Variants in XPNPEP1 observed in about 807,000 individuals in gnomAD.
XPNPEP1 encodes the protein X-prolyl aminopeptidase 1.
In XPNPEP1, 39 loss-of-function variants were observed where a neutral mutation model predicts 92.4. That is an observed-to-expected ratio of 0.42 (90% confidence interval 0.33 to 0.55). The LOEUF (loss-of-function observed/expected upper bound fraction) is 0.55, where lower values mean the gene tolerates loss of function less well. XPNPEP1 is among the 20% of genes least tolerant of loss of function. XPNPEP1 has a pLI of 0.08. For synonymous variants in XPNPEP1, 307 were observed against 299.4 expected, an observed-to-expected ratio of 1.03 and a Z score of -0.26; for missense variants, 654 against 856.1, an observed-to-expected ratio of 0.76 and a Z score of 2.95.
intron 12 of XPNPEP1, among the ~76,000 whole-genome samples, chr10:109,879,059 A>T (rs1408738197): frequency 3.4e-5 from 5 of 145,768 alleles, no homozygotes; most frequent in Non-Finnish European, 6.0e-5. Context: ...TGGCTAACAC[A>T]GTGAAACCCC....
At chr10:109,879,654 T>A (rs141778481) in intron 12 of XPNPEP1, among the ~76,000 whole-genome samples, 94 of 152,242 alleles carry the variant, frequency 6.2e-4, no homozygotes, top group African/African-American at 2.2e-3. Context: ...AAAGTTACAC[T>A]AGTGGGAATA....
intron 20 of XPNPEP1, 92 bp from the exon 21 acceptor site, chr10:109,865,404 G>T: frequency 6.5e-7 from 1 of 1,536,418 alleles, no homozygotes; most frequent in Non-Finnish European, 8.9e-7. Context: ...CATGTGCTAA[G>T]ATCACAAGCT....
chr10:109,865,444 C>T, intron 20 of XPNPEP1, 132 bp from the exon 21 acceptor site: 1 of 1,175,306 alleles, frequency 8.5e-7, no homozygotes, highest in South Asian at 1.4e-5. Context: ...ACCCTTTCTC[C>T]TTACTCACAG....
chr10:109,884,090 T>C lies in XPNPEP1; in HGVS notation c.807A>G (p.Ala269=), dbSNP rs572804883. ...ACATGATCGTCTCTAGTCCTATGAT[T>C]GCGTAGGAGAAAAATACTGGATTGT... ...VEHNPVFFSY[A]IIGLETIMLF... The change falls in exon 9 of 21, where the codon GCA becomes GCG. Residue 269 remains alanine (A), a synonymous_variant. Coordinates refer to ENST00000502935, the MANE Select transcript of XPNPEP1 (RefSeq NM_020383.4). 3.1e-6 allele frequency: 5 copies of C among 1,614,024 alleles called. No homozygotes were observed. The East Asian group carries it at 1.1e-4, about 36-fold the overall frequency.
chr10:109,882,495 G>C lies in XPNPEP1; in HGVS notation c.978C>G (p.Ser326=), dbSNP rs1026652494. ...SELKALCADL[S]PREKVWVSDK... is the part of the protein sequence containing the mutation. ...CACTGACCCACACCTTCTCCCTTGGGGAGAGGTCAGCACACAGGGCCTTGA... is the reference window on the plus strand; with the variant it reads ...CACTGACCCACACCTTCTCCCTTGGCGAGAGGTCAGCACACAGGGCCTTGA... The change falls in exon 10 of 21, where the codon TCC becomes TCG. Residue 326 remains serine (S), a synonymous_variant. Transcript: ENST00000502935. The C allele has an allele frequency of 6.2e-7, 1 of 1,614,212 alleles. No homozygotes were observed. Among genetic ancestry groups the C allele is most frequent in the South Asian group, 1.1e-5 (1 of 91,078 alleles).
rs556255370 is a variant in XPNPEP1 at position 109,907,555 on chromosome 10, C to T, written c.246+136G>A. Reference sequence around the variant, plus strand: ...CAAGCATTCAGTGAGACCTATTGGACACAGATCCCCATAGCAAGCCCTGGA... The same window carrying T: ...CAAGCATTCAGTGAGACCTATTGGATACAGATCCCCATAGCAAGCCCTGGA... On this transcript the variant is annotated intron_variant, in intron 3 of 20. Transcript: ENST00000502935. 1.0e-3 allele frequency: 1,411 copies of T among 1,368,306 alleles called. 3 individuals carry two copies. The highest frequency in any genetic ancestry group is 2.4e-3 in the South Asian group (158 of 67,224). 84.8% of individuals were successfully genotyped at this position (1,368,306 alleles called of 1,614,324 possible).
rs777400484 is a variant in XPNPEP1, at chr10:109,868,604, T to TC, written c.1872+9dup. The TC allele has an allele frequency of 6.2e-7, 1 of 1,609,834 alleles. No homozygotes were observed. The highest frequency in any genetic ancestry group is 8.5e-7 in the Non-Finnish European group (1 of 1,176,386). On this transcript the variant is annotated intron_variant, in intron 20 of 20. Transcript: ENST00000502935. ...AGTAACATGCCTGCCCACCAAGACT[T>TC]CCCCATTACCTCTTTGTCTGTAAGA...
At chr10:109,866,023 T>C (rs1430153579) in intron 20 of XPNPEP1, among the ~76,000 whole-genome samples, 1 of 152,126 alleles carries the variant, frequency 6.6e-6, no homozygotes, top group Non-Finnish European at 1.5e-5. Context: ...TCCTCCTTGG[T>C]TGTATACGGG....
At chr10:109,920,005 C>G (rs1055908842) in intron 1 of XPNPEP1, among the ~76,000 whole-genome samples, 1 of 151,762 alleles carries the variant, frequency 6.6e-6, no homozygotes, top group African/African-American at 2.4e-5. Flanking sequence ...GCACTCCAGC[C>G]TGGCAACAGA....
chr10:109,871,644 G>C, intron 17 of XPNPEP1, 148 bp downstream of exon 17: 1 of 858,286 alleles, frequency 1.2e-6, no homozygotes, highest in Non-Finnish European at 1.8e-6. Flanking sequence ...GTGGGTTATG[G>C]AGACTCACCC....
intron 3 of XPNPEP1, among the ~76,000 whole-genome samples, chr10:109,894,552 T>TAAAAAAAAAA (rs5787825): frequency 8.2e-6 from 1 of 121,888 alleles, no homozygotes. Flanking sequence ...AAACAAAAAT[T>TAAAAAAAAAA]AAAAAAAAAA....
chr10:109,886,667 C>G (rs958021824), intron 7 of XPNPEP1, among the ~76,000 whole-genome samples: 3 of 152,230 alleles, frequency 2.0e-5, no homozygotes, highest in African/African-American at 7.2e-5. Flanking sequence ...GACCCAGTCC[C>G]TGTCTTCATG....
At chr10:109,913,472 G>A (rs1255922307) in intron 2 of XPNPEP1, among the ~76,000 whole-genome samples, 1 of 152,248 alleles carries the variant, frequency 6.6e-6, no homozygotes, top group East Asian at 1.9e-4. Flanking sequence ...AATAGCTTTA[G>A]AGGTAGTGGT....
intron 3 of XPNPEP1, among the ~76,000 whole-genome samples, chr10:109,899,858 C>T (rs1849186946): frequency 6.6e-6 from 1 of 152,236 alleles, no homozygotes; most frequent in African/African-American, 2.4e-5. Flanking sequence ...AAAGGCAGTG[C>T]TGGCACAGCT....
chr10:109,887,331 C>T (rs780538634), intron 7 of XPNPEP1, among the ~76,000 whole-genome samples: 12 of 152,200 alleles, frequency 7.9e-5, no homozygotes, highest in African/African-American at 1.2e-4. Context: ...CAGGCTGGGG[C>T]TGCCCCCACA....
intron 2 of XPNPEP1, among the ~76,000 whole-genome samples, chr10:109,912,099 C>T (rs1434038621): frequency 1.3e-5 from 2 of 152,204 alleles, no homozygotes; most frequent in Admixed American, 6.5e-5. Context: ...ACCACCATCA[C>T]ATCATCACGT....
chr10:109,868,348 G>T (rs1043725314), intron 20 of XPNPEP1, among the ~76,000 whole-genome samples: 3 of 151,546 alleles, frequency 2.0e-5, no homozygotes, highest in African/African-American at 7.3e-5. Flanking sequence ...AATGGCATAC[G>T]AGTTCCACCC....
At chr10:109,870,290 A>ACTAAATAAAT (rs11280729) in intron 18 of XPNPEP1, among the ~76,000 whole-genome samples, 35,965 of 151,964 alleles carry the variant, frequency 0.24, 4,772 homozygotes, top group Admixed American at 0.43. Flanking sequence ...CAGTGGATCC[A>ACTAAATAAAT]CTAAATAAAT....
chr10:109,898,855 C>T (rs966588001), intron 3 of XPNPEP1, among the ~76,000 whole-genome samples: 44 of 152,200 alleles, frequency 2.9e-4, no homozygotes, highest in African/African-American at 9.4e-4. Flanking sequence ...GCCGATGGAA[C>T]TTGCCAAGTA....
Sources: allele counts gnomAD v4.1 joint callset (sites outside exome capture counted in the v4.1 genomes callset), GRCh38; gene constraint gnomAD v4.1.1; transcripts MANE v1.5; gene names NCBI Gene and HGNC (gene_info 2026-07-23, HGNC 2026-07-21).